The following CASK variants were observed in gnomAD, a reference collection of about 807,000 sequenced individuals.
CASK encodes the protein peripheral plasma membrane protein CASK.
Under a neutral mutation model 82.9 loss-of-function variants are expected in CASK, and 4 were observed. The ratio of observed to expected loss-of-function variants is 0.05; its 90% CI spans 0.02 to 0.11. CASK has a LOEUF of 0.11. Among genes scored for constraint, CASK ranks in the 10% least tolerant of loss-of-function variants. The pLI is 1.00. For synonymous variants in CASK, 259 were observed against 253.5 expected, an observed-to-expected ratio of 1.02 and a Z score of -0.20; for missense variants, 358 against 720.9, an observed-to-expected ratio of 0.50 and a Z score of 5.76.
At chrX:41,879,372 G>A (rs1028549615) in intron 1 of CASK, among the ~76,000 whole-genome samples, 9 of 111,009 alleles carry the variant, frequency 8.1e-5, no homozygotes, top group Admixed American at 7.7e-4. Flanking sequence ...CTATGACAAA[G>A]TTTATTTTAT....
intron 3 of CASK, among the ~76,000 whole-genome samples, chrX:41,781,250 A>C (rs1162847639): frequency 8.9e-6 from 1 of 112,575 alleles, no homozygotes; most frequent in Non-Finnish European, 1.9e-5. Flanking sequence ...AACTAGTTCT[A>C]AGGATTTTCT....
intron 2 of CASK, among the ~76,000 whole-genome samples, chrX:41,811,252 T>C (rs916307342): frequency 8.9e-6 from 1 of 111,796 alleles, no homozygotes; most frequent in Non-Finnish European, 1.9e-5. Context: ...TCTACAGAAC[T>C]CTCCACCCCA....
At chrX:41,787,427 C>T in intron 2 of CASK, 144 bp from the exon 3 acceptor site, 1 of 460,023 alleles carries the variant, frequency 2.2e-6, no homozygotes, top group Non-Finnish European at 3.8e-6. Flanking sequence ...CTTAGCTTAA[C>T]TTTTTACCCT....
chrX:41,762,082 C>T (rs2069009913), intron 3 of CASK, among the ~76,000 whole-genome samples: 1 of 111,823 alleles, frequency 8.9e-6, no homozygotes, highest in Non-Finnish European at 1.9e-5. Flanking sequence ...GGTACTATTT[C>T]ACAGATGAGG....
At chrX:41,577,371 ATAACAGCCTCT>A (rs1361823297) in intron 15 of CASK, among the ~76,000 whole-genome samples, 1 of 112,175 alleles carries the variant, frequency 8.9e-6, no homozygotes, top group Non-Finnish European at 1.9e-5. Context: ...CACTGCTGCA[ATAACAGCCTCT>A]TAACTGGTTT....
At chrX:41,633,805 G>T (rs1414741334) in intron 9 of CASK, among the ~76,000 whole-genome samples, 8 of 108,418 alleles carry the variant, frequency 7.4e-5, no homozygotes, top group Non-Finnish European at 1.5e-4. Context: ...TGTCACCCAG[G>T]CTGGAGTGCA....
At chrX:41,729,781 A>AT (rs1323472682) in intron 5 of CASK, 1 of 38,007 alleles carries the variant, frequency 2.6e-5, no homozygotes. Context: ...AAAAAAAAAA[A>AT]ATATATATAT....
chrX:41,629,461 TCCAGAGAGGCTTAGCA>T (rs1431964758), intron 9 of CASK, among the ~76,000 whole-genome samples: 1 of 112,110 alleles, frequency 8.9e-6, no homozygotes, highest in Non-Finnish European at 1.9e-5. Context: ...AAAACTGAGG[TCCAGAGAGGCTTAGCA>T]ACCTGTTAAG....
intron 3 of CASK, among the ~76,000 whole-genome samples, chrX:41,782,148 T>C (rs1420518143): frequency 8.9e-6 from 1 of 111,861 alleles, no homozygotes; most frequent in Non-Finnish European, 1.9e-5. Context: ...GAAATTATAG[T>C]GCTTTAGAAA....
chrX:41,576,186 G>A (rs1303173241), intron 15 of CASK, among the ~76,000 whole-genome samples: 1 of 109,637 alleles, frequency 9.1e-6, no homozygotes, highest in Non-Finnish European at 1.9e-5. Context: ...TATTGGCCAC[G>A]CTGGTCTCGA....
chrX:41,630,706 C>T (rs1317181357), intron 9 of CASK, among the ~76,000 whole-genome samples: 2 of 111,368 alleles, frequency 1.8e-5, no homozygotes, highest in African/African-American at 6.5e-5. Flanking sequence ...AAGTGTATCA[C>T]CAGAACATAC....
chrX:41,668,854 T>C (rs1019282777), intron 6 of CASK, among the ~76,000 whole-genome samples: 2 of 109,808 alleles, frequency 1.8e-5, no homozygotes, highest in African/African-American at 6.6e-5. Context: ...GATCCTCCCA[T>C]GTAGCTGGGA....
At chrX:41,799,318 T>C (rs747490842) in intron 2 of CASK, among the ~76,000 whole-genome samples, 1 of 112,021 alleles carries the variant, frequency 8.9e-6, no homozygotes, top group South Asian at 3.7e-4. Flanking sequence ...GGTGGGCAGA[T>C]CACTTGAGGC....
intron 1 of CASK, among the ~76,000 whole-genome samples, chrX:41,900,019 A>G (rs1203701224): frequency 9.1e-6 from 1 of 109,516 alleles, no homozygotes; most frequent in Admixed American, 9.7e-5. Flanking sequence ...CCAGGTATAT[A>G]ATACATGGTT....
chrX:41,640,110 G>A (rs1304033176), intron 8 of CASK, among the ~76,000 whole-genome samples: 1 of 111,878 alleles, frequency 8.9e-6, no homozygotes, highest in Non-Finnish European at 1.9e-5. Flanking sequence ...TGGGCTATAT[G>A]ATAGGAGTAT....
intron 2 of CASK, among the ~76,000 whole-genome samples, chrX:41,825,975 C>A (rs1368621099): frequency 8.9e-6 from 1 of 112,035 alleles, no homozygotes; most frequent in Non-Finnish European, 1.9e-5. Flanking sequence ...TTTTAGTCTC[C>A]TATTCACAGT....
chrX:41,728,481 G>A (rs779304340), intron 5 of CASK: 1 of 124,512 alleles, frequency 8.0e-6, no homozygotes, highest in South Asian at 3.6e-4. Flanking sequence ...AGTGGCTTAC[G>A]CCTGTAATCC....
chrX:41,871,153 C>G (rs1373200637), intron 1 of CASK, among the ~76,000 whole-genome samples: 1 of 111,943 alleles, frequency 8.9e-6, no homozygotes, highest in Non-Finnish European at 1.9e-5. Flanking sequence ...GTGCCACAAC[C>G]CTTTCCATCT....
At chrX:41,627,492 T>C (rs995561331) in intron 9 of CASK, among the ~76,000 whole-genome samples, 1 of 111,842 alleles carries the variant, frequency 8.9e-6, no homozygotes, top group Admixed American at 9.5e-5. Flanking sequence ...TGTGGGCTTT[T>C]AGTGAATCTG....
Sources: allele counts gnomAD v4.1 joint callset (sites outside exome capture counted in the v4.1 genomes callset), GRCh38; gene constraint gnomAD v4.1.1; transcripts MANE v1.5; gene names NCBI Gene and HGNC (gene_info 2026-07-23, HGNC 2026-07-21).